PKHD1: variants seen among roughly 807,000 people sequenced by gnomAD.
PKHD1 encodes the protein fibrocystin.
Under a neutral mutation model 412.0 loss-of-function variants are expected in PKHD1, and 291 were observed. The observed-to-expected ratio is 0.71, with a 90% confidence interval of 0.64 to 0.78. The LOEUF (loss-of-function observed/expected upper bound fraction) is 0.78. PKHD1 is among the 30% of genes least tolerant of loss of function. The pLI is 0.00. For synonymous variants in PKHD1, 1,777 were observed against 1,821.5 expected, an observed-to-expected ratio of 0.98 and a Z score of 0.62; for missense variants, 4,825 against 4,950.7, an observed-to-expected ratio of 0.97 and a Z score of 0.76.
rs974111891 is a variant in PKHD1 at position 52,009,235 on chromosome 6, C to A, written c.5751+1074G>T. Among the ~76,000 whole-genome samples, 3 of 152,146 alleles carry A rather than the reference C, an allele frequency of 2.0e-5. No homozygotes were observed. The South Asian group carries it at 6.2e-4, about 32-fold the overall frequency. ...AGGGAAGGTCAAGGTGAGGGAGAAGCCTGCAGAGGCCACAGAGTGGACAGT... is the reference window on the plus strand; with the variant it reads ...AGGGAAGGTCAAGGTGAGGGAGAAGACTGCAGAGGCCACAGAGTGGACAGT... On this transcript the variant is annotated intron_variant, in intron 35 of 66. Coordinates refer to ENST00000371117, the MANE Select transcript of PKHD1 (RefSeq NM_138694.4).
chr6:52,083,523 T>G (rs1486240625), intron 2 of PKHD1, among the ~76,000 whole-genome samples: 1 of 152,168 alleles, frequency 6.6e-6, no homozygotes, highest in South Asian at 2.1e-4. Flanking sequence ...TCTTCTTATC[T>G]TAGACATTCA....
intron 60 of PKHD1, among the ~76,000 whole-genome samples, chr6:51,671,504 T>C (rs1774970058): frequency 6.6e-6 from 1 of 152,224 alleles, no homozygotes. Flanking sequence ...TTTCCTCCCG[T>C]AGCTTGGAGT....
chr6:51,760,466 T>C (rs1355163296), intron 55 of PKHD1, among the ~76,000 whole-genome samples: 2 of 152,112 alleles, frequency 1.3e-5, no homozygotes, highest in African/African-American at 4.8e-5. Flanking sequence ...GTTCAGATGA[T>C]GGGAAAATTT....
intron 61 of PKHD1, among the ~76,000 whole-genome samples, chr6:51,658,649 T>C (rs1396238342): frequency 6.6e-6 from 1 of 152,036 alleles, no homozygotes; most frequent in Non-Finnish European, 1.5e-5. Flanking sequence ...AAATAAACAA[T>C]CAAATGAACT....
In PKHD1 at chr6:51,746,842, C is replaced by A; in HGVS notation, c.9877G>T (p.Asp3293Tyr). The change falls in exon 59 of 67, where the codon GAT becomes TAT. Residue 3293 changes from aspartate (D) to tyrosine (Y), a missense_variant. Physicochemically the swap from Asp to Tyr is radical, Grantham distance 160. Transcript: ENST00000371117. ...TCTGCATTTGGTAGAATGCAGACAT[C>A]CAGGTCATCGCTATAGCAACTCTTC... ...FVKSCYSDDL[D>Y]VCILPNAENS... 6.2e-7 allele frequency: 1 copy of A among 1,610,898 alleles called. No homozygotes were observed. Among genetic ancestry groups the A allele is most frequent in the Non-Finnish European group, 8.5e-7 (1 of 1,177,546 alleles).
intron 52 of PKHD1, among the ~76,000 whole-genome samples, chr6:51,823,064 T>C (rs552717361): frequency 6.7e-6 from 1 of 149,502 alleles, no homozygotes; most frequent in Non-Finnish European, 1.5e-5. Context: ...TTGTACAGGT[T>C]AAGTAAGAGA....
At chr6:52,052,894 G>A (rs1807090862) in intron 21 of PKHD1, among the ~76,000 whole-genome samples, 182 bp downstream of exon 21, 1 of 152,086 alleles carries the variant, frequency 6.6e-6, no homozygotes, top group Non-Finnish European at 1.5e-5. Context: ...GGAAAGAAGA[G>A]GGACTAGAGA....
chr6:52,078,325 G>A (rs531907092), intron 5 of PKHD1, among the ~76,000 whole-genome samples: 59 of 152,222 alleles, frequency 3.9e-4, no homozygotes, highest in South Asian at 1.0e-3. Flanking sequence ...CAAGCTTCCC[G>A]CATGCTGATC....
rs1297595540 is a variant in PKHD1, at chr6:51,922,287, C to T, written c.6122-9711G>A. ...AAGAACAGCAAATATTGCAGAACAG[C>T]AAATGTTGCTGCCTGATCCTTCTTC... On this transcript the variant is annotated intron_variant, in intron 37 of 66. Transcript: ENST00000371117. Among the ~76,000 whole-genome samples the T allele has an allele frequency of 3.3e-5, 5 of 152,190 alleles. No homozygotes were observed. The East Asian group carries it at 9.6e-4, about 29-fold the overall frequency.
intron 49 of PKHD1, among the ~76,000 whole-genome samples, chr6:51,853,745 T>G (rs1167760124): frequency 6.6e-6 from 1 of 152,234 alleles, no homozygotes; most frequent in African/African-American, 2.4e-5. Flanking sequence ...AAAATTCTCA[T>G]GCTGTGTTTT....
At chr6:51,869,507 C>T (rs1308660798) in intron 47 of PKHD1, among the ~76,000 whole-genome samples, 2 of 151,962 alleles carry the variant, frequency 1.3e-5, no homozygotes, top group Non-Finnish European at 2.9e-5. Context: ...ATTTGTACCC[C>T]CTAGGTCCTT....
Position 51,748,099 on chromosome 6 carries a change from C to A in PKHD1, c.9517G>T (p.Val3173Leu), listed in dbSNP as rs1257306120. 1.9e-6 allele frequency: 3 copies of A among 1,613,710 alleles called. No individual in the cohort carries two copies. The highest frequency in any genetic ancestry group is 2.5e-6 in the Non-Finnish European group (3 of 1,179,646). ...GCCAAAAGACCAATAGTATTGTCTA[C>A]CAGAGTAATGTTCTCTATCTCCACG... is the stretch of plus-strand genomic sequence containing the variant. ...NSVEIENITL[V>L]DNTIGLLAVV... The change falls in exon 58 of 67, where the codon GTA becomes TTA. Residue 3173 changes from valine to leucine, a missense_variant. By Grantham distance (32) the Val-to-Leu change is conservative (BLOSUM62 1). Coordinates refer to ENST00000371117, the MANE Select transcript of PKHD1 (RefSeq NM_138694.4).
chr6:51,957,808 G>A (rs891915830), intron 36 of PKHD1, among the ~76,000 whole-genome samples: 10 of 151,920 alleles, frequency 6.6e-5, no homozygotes, highest in South Asian at 2.1e-4. Flanking sequence ...CCTCCTCTCC[G>A]CTCTCCAACT....
At chr6:51,726,028 A>T (rs1782530796) in intron 60 of PKHD1, among the ~76,000 whole-genome samples, 1 of 152,224 alleles carries the variant, frequency 6.6e-6, no homozygotes, top group Admixed American at 6.5e-5. Flanking sequence ...CTTTAAACAC[A>T]CTGCTTCCTC....
chr6:52,043,541 C>T, intron 26 of PKHD1, 84 bp downstream of exon 26: 4 of 917,888 alleles, frequency 4.4e-6, no homozygotes, highest in Non-Finnish European at 7.2e-6. Flanking sequence ...CTTCTACCCA[C>T]CCATCACCAG....
chr6:51,754,779 C>T lies in PKHD1; in HGVS notation c.8797+5G>A, dbSNP rs1786687609. On this transcript the variant is annotated splice_donor_5th_base_variant and intron_variant, in intron 56 of 66. Transcript: ENST00000371117. ...CTTACCTTAACCAACAAACCAAAGC[C>T]TTACCAATATGCCGGTGTTTGAGCC... The T allele has an allele frequency of 6.2e-7, 1 of 1,613,038 alleles. No homozygotes were observed. Among genetic ancestry groups the T allele is most frequent in the South Asian group, 1.1e-5 (1 of 91,060 alleles).
At chr6:51,869,745 G>A (rs1235920767) in intron 47 of PKHD1, among the ~76,000 whole-genome samples, 4 of 151,546 alleles carry the variant, frequency 2.6e-5, no homozygotes, top group Non-Finnish European at 4.4e-5. Flanking sequence ...AAACTCAGAT[G>A]CCACCCAAAT....
chr6:51,958,188 T>G (rs1390349515), intron 36 of PKHD1, among the ~76,000 whole-genome samples: 3 of 152,042 alleles, frequency 2.0e-5, no homozygotes, highest in Admixed American at 2.0e-4. Context: ...GAAACTGGAA[T>G]CTACTACTTA....
Position 51,659,094 on chromosome 6 carries a change from T to A in PKHD1, c.11032A>T (p.Ile3678Phe). 6.2e-7 allele frequency: 1 copy of A among 1,613,830 alleles called. No homozygotes were observed. The highest frequency in any genetic ancestry group is 8.5e-7 in the Non-Finnish European group (1 of 1,179,854). ...DSPTVRSTGMISSLSSNKLQN... is the reference protein window; with the variant it reads ...DSPTVRSTGMFSSLSSNKLQN... ...AATTTGTTACTTGATAAGGATGAAA[T>A]CATTCCAGTGCTCCTTACTGTTGGC... The change falls in exon 61 of 67, where the codon ATT becomes TTT. Residue 3678 changes from isoleucine (I) to phenylalanine (F), a missense_variant. Physicochemically the swap from Ile to Phe is conservative, Grantham distance 21. Coordinates refer to ENST00000371117, the MANE Select transcript of PKHD1 (RefSeq NM_138694.4).
Sources: allele counts gnomAD v4.1 joint callset (sites outside exome capture counted in the v4.1 genomes callset), GRCh38; gene constraint gnomAD v4.1.1; transcripts MANE v1.5; gene names NCBI Gene and HGNC (gene_info 2026-07-23, HGNC 2026-07-21).